Variants in LYST observed in about 807,000 individuals in gnomAD.
LYST encodes the protein lysosomal-trafficking regulator.
Under a neutral mutation model 413.6 loss-of-function variants are expected in LYST, and 192 were observed. The observed-to-expected ratio is 0.46, with a 90% CI of 0.41 to 0.52. The LOEUF is 0.52. LYST is among the 20% of genes least tolerant of loss of function. The probability of loss-of-function intolerance (pLI) is 0.00; values close to 1 mark genes in which losing one functional copy is unlikely to be tolerated. For synonymous variants in LYST, 1,525 were observed against 1,567.3 expected (o/e 0.97, Z 0.64); for missense variants, 3,815 against 4,499.9 (o/e 0.85, Z 4.35).
At chr1:235,762,932 A>C (rs2103373985) in intron 21 of LYST, 81 bp from the exon 22 acceptor site, 1 of 1,060,442 alleles carries the variant, frequency 9.4e-7, no homozygotes, top group Admixed American at 1.9e-5. Context: ...CAGATCATTA[A>C]ATTCAAATTT....
intron 14 of LYST, 28 bp from the exon 15 acceptor site, chr1:235,782,115 G>A (rs778358887): frequency 3.1e-6 from 5 of 1,588,724 alleles, no homozygotes; most frequent in East Asian, 2.3e-5. Context: ...CAAAGTTAAA[G>A]CAATGACTTT....
In LYST at chr1:235,733,884, T is replaced by C; in HGVS notation, c.8558A>G (p.Glu2853Gly). The C allele has an allele frequency of 6.3e-7, 1 of 1,587,266 alleles. No homozygotes were observed. Among genetic ancestry groups the C allele is most frequent in the Non-Finnish European group, 8.6e-7 (1 of 1,156,152 alleles). ...CCAAGCAGCTTTATTCACTCCTTCTTCAGTTTCATATTTCTTTTGTTCCTA... is the reference window on the plus strand; with the variant it reads ...CCAAGCAGCTTTATTCACTCCTTCTCCAGTTTCATATTTCTTTTGTTCCTA... ...IKEEQKKYET[E>G]EGVNKAAWQK... The change falls in exon 33 of 53, where the codon GAA becomes GGA. Residue 2853 changes from glutamate to glycine, a missense_variant. Glu to Gly is a moderately conservative substitution (Grantham distance 98). This residue lies in a region of LYST where 771 missense variants were observed against 837.1 expected (regional missense o/e 0.92). Coordinates refer to ENST00000389793, the MANE Select transcript of LYST (RefSeq NM_000081.4).
chr1:235,674,270 G>A lies in LYST; in HGVS notation c.11038+2821C>T, dbSNP rs115543854. ...TCTGCCCTTGTTTTCATCCCCAAGCGGATGTATGGTAGTATTGTAGTGGAC... is the reference window on the plus strand; with the variant it reads ...TCTGCCCTTGTTTTCATCCCCAAGCAGATGTATGGTAGTATTGTAGTGGAC... On this transcript the variant is annotated intron_variant, in intron 50 of 52. Transcript: ENST00000389793. The surrounding 1 kb of genome is among the most constrained non-coding windows in gnomAD (Gnocchi z 4.1). 3.1e-3 allele frequency among the ~76,000 whole-genome samples: 466 copies of A among 152,174 alleles called. 2 individuals are homozygous for A. Among genetic ancestry groups the A allele is most frequent in the African/African-American group, 0.011 (442 of 41,532 alleles).
chr1:235,793,731 T>C, intron 10 of LYST, 119 bp from the exon 11 acceptor site: 3 of 580,496 alleles, frequency 5.2e-6, no homozygotes, highest in Non-Finnish European at 9.3e-6. Context: ...ATAAAAAATC[T>C]AGTATAGGAA....
intron 12 of LYST, chr1:235,791,453 C>A (rs1670978878): frequency 8.7e-6 from 4 of 459,882 alleles, no homozygotes; most frequent in South Asian, 8.5e-5. Context: ...GCTGATGACC[C>A]CAGAAAAAGT....
At chr1:235,712,378 A>G in intron 42 of LYST, 181 bp from the exon 43 acceptor site, 1 of 544,264 alleles carries the variant, frequency 1.8e-6, no homozygotes, top group Non-Finnish European at 3.1e-6. Flanking sequence ...ACTTGAGATC[A>G]TATTACATTT....
chr1:235,713,176 T>A (rs1572051805), intron 42 of LYST: 1 of 985,142 alleles, frequency 1.0e-6, no homozygotes, highest in Non-Finnish European at 1.2e-6. Flanking sequence ...CTAAAAAAAA[T>A]CTGGGAAGAA....
rs551270055 is a variant in LYST at position 235,739,718 on chromosome 1, A to G, written c.8358+1704T>C. Among the ~76,000 whole-genome samples, 5 of 152,316 alleles carry G rather than the reference A, an allele frequency of 3.3e-5. No individual in the cohort carries two copies. In the South Asian group the frequency reaches 1.0e-3, roughly 32 times the overall value. The stretch of plus-strand genomic sequence containing the variant: ...GATGCTGATGGAATGAGAGACTTAG[A>G]GAAATCACTATTTTGTAACTCTTTA... On this transcript the variant is annotated intron_variant, in intron 31 of 52. Transcript: ENST00000389793.
Position 235,734,481 on chromosome 1 carries a change from A to C in LYST, c.8535+2T>G. ...GAAAGTACTATGGTTTCATTGACTC[A>C]CCTCTTTGATCATTTTAATAAGGTC... On this transcript the variant is annotated splice_donor_variant, in intron 32 of 52. Coordinates refer to ENST00000389793, the MANE Select transcript of LYST (RefSeq NM_000081.4). LOFTEE classifies it high-confidence loss of function. The C allele has an allele frequency of 6.2e-7, 1 of 1,612,226 alleles. No homozygotes were observed. Among genetic ancestry groups the C allele is most frequent in the South Asian group, 1.1e-5 (1 of 91,044 alleles).
At chr1:235,787,718 A>C (rs1420253859) in intron 13 of LYST, among the ~76,000 whole-genome samples, 1 of 152,180 alleles carries the variant, frequency 6.6e-6, no homozygotes, top group African/African-American at 2.4e-5. Context: ...TCATAGAAAA[A>C]TTAATATAAA....
At chr1:235,824,161 T>C (rs544425588) in intron 3 of LYST, among the ~76,000 whole-genome samples, 2 of 152,382 alleles carry the variant, frequency 1.3e-5, no homozygotes, top group African/African-American at 4.8e-5. Context: ...AAAAACCTAT[T>C]ATAATGTTTG....
chr1:235,751,283 T>C lies in LYST; in HGVS notation c.7707A>G (p.Glu2569=), dbSNP rs763233556. 3.1e-6 allele frequency: 5 copies of C among 1,613,644 alleles called. No individual in the cohort carries two copies. In the South Asian group the frequency reaches 4.4e-5, roughly 14 times the overall value. ...FIRTTANHDS[E]NLTDSLQSPS... ...GTGACTGGAGTGAATCTGTGAGGTT[T>C]TCAGAGTCATGATTTGCGGTGGTCC... The change falls in exon 28 of 53, where the codon GAA becomes GAG. Residue 2569 remains glutamate (E), a synonymous_variant. Coordinates refer to ENST00000389793, the MANE Select transcript of LYST (RefSeq NM_000081.4).
chr1:235,811,837 A>T (rs1017798797), intron 4 of LYST, among the ~76,000 whole-genome samples: 15 of 152,136 alleles, frequency 9.9e-5, no homozygotes, highest in African/African-American at 3.6e-4. Flanking sequence ...CATTAATCAG[A>T]TTTCTTAAGT....
At chr1:235,691,395 G>C (rs1378671071) in intron 47 of LYST, among the ~76,000 whole-genome samples, 1 of 152,218 alleles carries the variant, frequency 6.6e-6, no homozygotes, top group Non-Finnish European at 1.5e-5. Context: ...CACTAACAAA[G>C]ATCACAGGGC....
At chr1:235,736,169 T>A (rs1664800459) in intron 31 of LYST, 2 of 152,104 alleles carry the variant, frequency 1.3e-5, no homozygotes, top group Admixed American at 6.5e-5. Context: ...TCAGGGACTA[T>A]AAAAGGTGTC....
chr1:235,694,524 T>C (rs371004069), intron 46 of LYST, among the ~76,000 whole-genome samples: 63 of 152,334 alleles, frequency 4.1e-4, no homozygotes, highest in East Asian at 2.1e-3. Context: ...TTTATTCCAG[T>C]ACCTAGCAGA....
intron 10 of LYST, among the ~76,000 whole-genome samples, chr1:235,798,424 G>A (rs559851601): frequency 6.6e-5 from 10 of 151,150 alleles, no homozygotes; most frequent in Admixed American, 6.6e-4. Flanking sequence ...TATAATATCT[G>A]TTCAATTTCT....
At chr1:235,722,697 G>A (rs1014504583) in intron 39 of LYST, among the ~76,000 whole-genome samples, 1 of 152,116 alleles carries the variant, frequency 6.6e-6, no homozygotes, top group Non-Finnish European at 1.5e-5. Flanking sequence ...TGTTGGCCAG[G>A]CTGGTCTTGA....
chr1:235,803,387 T>A (rs10926730), intron 7 of LYST, among the ~76,000 whole-genome samples: 3 of 152,100 alleles, frequency 2.0e-5, no homozygotes, highest in African/African-American at 7.2e-5. Context: ...AAAATTTTAC[T>A]TCATACAATT....
Sources: allele counts gnomAD v4.1 joint callset (sites outside exome capture counted in the v4.1 genomes callset), GRCh38; gene constraint gnomAD v4.1.1; regional missense constraint gnomAD v4.1.1; non-coding constraint Gnocchi (gnomAD v3.1); transcripts MANE v1.5; gene names NCBI Gene and HGNC (gene_info 2026-07-23, HGNC 2026-07-21).